Variants in CFI observed in about 807,000 individuals in gnomAD.
CFI encodes the protein C3B/C4B inactivator.
A neutral mutation model predicts 78.8 loss-of-function variants in CFI; 66 were observed. The ratio of observed to expected loss-of-function variants is 0.84; its 90% confidence interval spans 0.69 to 1.03. The LOEUF is 1.03. CFI is among the 50% of genes least tolerant of loss of function. The pLI is 0.00. For missense variants in CFI, 706 were observed against 704.5 expected, an observed-to-expected ratio of 1.00 and a Z score of -0.02; for synonymous variants, 250 against 232.6, an observed-to-expected ratio of 1.07 and a Z score of -0.68.
At chr4:109,742,152 A>G (rs1297127221) in intron 12 of CFI, 1 of 277,524 alleles carries the variant, frequency 3.6e-6, no homozygotes, top group African/African-American at 2.2e-5. Flanking sequence ...TGCCTTATCT[A>G]TGATCTTCAA....
intron 1 of CFI, among the ~76,000 whole-genome samples, chr4:109,801,232 G>A (rs564677919): frequency 2.0e-5 from 3 of 152,138 alleles, no homozygotes; most frequent in Non-Finnish European, 4.4e-5. Flanking sequence ...TCATTTATTT[G>A]GAGGGGCCTA....
intron 1 of CFI, among the ~76,000 whole-genome samples, chr4:109,797,914 A>G (rs1732264159): frequency 6.6e-6 from 1 of 152,204 alleles, no homozygotes; most frequent in South Asian, 2.1e-4. Flanking sequence ...GTAGCTGAGG[A>G]TATGCAGAAA....
At chr4:109,731,237 T>G in the CFI span, among the ~76,000 whole-genome samples, 1 of 151,900 alleles carries the variant, frequency 6.6e-6, no homozygotes, top group Non-Finnish European at 1.5e-5. Flanking sequence ...TCCCAGCTAC[T>G]CGGGAGGCGG....
At chr4:109,800,927 T>G (rs979222225) in intron 1 of CFI, among the ~76,000 whole-genome samples, 6 of 152,200 alleles carry the variant, frequency 3.9e-5, no homozygotes, top group Admixed American at 2.6e-4. Flanking sequence ...AAGCATTTAG[T>G]TATTTCCATT....
At chr4:109,747,356 A>AG (rs1724602659) in intron 10 of CFI, among the ~76,000 whole-genome samples, 1 of 12,176 alleles carries the variant, frequency 8.2e-5, no homozygotes, top group Admixed American at 2.0e-3. Context: ...AGCTAATTTA[A>AG]AAAAATTTTT....
chr4:109,774,309 A>C (rs1273658099), intron 1 of CFI, among the ~76,000 whole-genome samples: 5 of 152,202 alleles, frequency 3.3e-5, no homozygotes, highest in Non-Finnish European at 5.9e-5. Context: ...AAGATACAGA[A>C]TATGGAGAGT....
intron 7 of CFI, among the ~76,000 whole-genome samples, chr4:109,756,909 GAAAGAAAGAAAGA>G (rs1334715767): frequency 1.3e-5 from 1 of 77,146 alleles, no homozygotes. Flanking sequence ...AAGAAAGAAA[GAAAGAAAGAAAGA>G]AAGAAAGAAA....
At chr4:109,741,366 T>C (rs757082912) in intron 12 of CFI, 8 of 985,290 alleles carry the variant, frequency 8.1e-6, no homozygotes, top group Non-Finnish European at 9.6e-6. Context: ...GACTGAGTAC[T>C]GAGATGAGAT....
chr4:109,789,145 C>A (rs1043336117), intron 1 of CFI, among the ~76,000 whole-genome samples: 1 of 151,534 alleles, frequency 6.6e-6, no homozygotes, highest in African/African-American at 2.4e-5. Context: ...TCAATGGAAA[C>A]TACAATAAAA....
chr4:109,757,825 T>TTAATC (rs1561299063), intron 6 of CFI, 42 bp from the exon 7 acceptor site: 1 of 1,413,692 alleles, frequency 7.1e-7, no homozygotes, highest in Non-Finnish European at 9.9e-7. Flanking sequence ...AGGATAATTT[T>TTAATC]TGGAAAAAAT....
chr4:109,781,926 A>T (rs1185759188), intron 1 of CFI, among the ~76,000 whole-genome samples: 2 of 152,170 alleles, frequency 1.3e-5, no homozygotes, highest in African/African-American at 4.8e-5. Context: ...TCACCTCAGT[A>T]GATGCAGAAA....
At chr4:109,794,574 T>A (rs1172632751) in intron 1 of CFI, 1 of 152,096 alleles carries the variant, frequency 6.6e-6, no homozygotes, top group Non-Finnish European at 1.5e-5. Flanking sequence ...GGTGGATCAC[T>A]TGAGGTTCAG....
In CFI at chr4:109,749,487, A is replaced by G; in HGVS notation, c.1044+12T>C. The G allele has an allele frequency of 6.2e-7, 1 of 1,606,734 alleles. No individual in the cohort carries two copies. On this transcript the variant is annotated intron_variant, in intron 9 of 12. Coordinates refer to ENST00000394634, the MANE Select transcript of CFI (RefSeq NM_000204.5). The stretch of plus-strand genomic sequence containing the variant: ...CTGGGCAGTTGCATTGTGACTTTTC[A>G]TGCGACTTTACCAGTTGTGCTCGCT...
At chr4:109,759,458 C>T (rs1036652142) in intron 6 of CFI, among the ~76,000 whole-genome samples, 4 of 152,010 alleles carry the variant, frequency 2.6e-5, no homozygotes, top group East Asian at 1.9e-4. Flanking sequence ...TATTAAATGA[C>T]GTTAGTGAAT....
At chr4:109,776,391 A>G (rs1395969654) in intron 1 of CFI, among the ~76,000 whole-genome samples, 3 of 152,236 alleles carry the variant, frequency 2.0e-5, no homozygotes, top group African/African-American at 7.2e-5. Context: ...GATCAAATGA[A>G]TGAAATGAAG....
chr4:109,737,057 T>G (rs777734018), downstream of CFI, among the ~76,000 whole-genome samples: 6 of 152,184 alleles, frequency 3.9e-5, no homozygotes, highest in Admixed American at 1.3e-4. Flanking sequence ...AGTGCCATCC[T>G]TTTTATCCCT....
rs578197099 is a variant in CFI at position 109,761,813 on chromosome 4, T to C, written c.483-121A>G. On this transcript the variant is annotated intron_variant, in intron 3 of 12. Coordinates refer to ENST00000394634, the MANE Select transcript of CFI (RefSeq NM_000204.5). ...TCATTCTCTATATAGGAGTTACAGC[T>C]TGGGCAAGATACCGAAACTCTGAGC... 1.7e-5 allele frequency: 14 copies of C among 802,764 alleles called. No individual in the cohort carries two copies. The South Asian group carries it at 2.1e-4, about 12-fold the overall frequency. The allele number at this position is 802,764 out of a possible 1,614,324, so 49.7% of individuals were successfully genotyped here.
At chr4:109,770,347 G>C (rs1290241744) in intron 1 of CFI, among the ~76,000 whole-genome samples, 1 of 151,948 alleles carries the variant, frequency 6.6e-6, no homozygotes, top group Non-Finnish European at 1.5e-5. Context: ...ATCAGTTGAG[G>C]TCGGGAGTTT....
At chr4:109,800,482 C>A (rs1732647626) in intron 1 of CFI, among the ~76,000 whole-genome samples, 1 of 151,750 alleles carries the variant, frequency 6.6e-6, no homozygotes, top group Admixed American at 6.6e-5. Context: ...CATGCGTGAA[C>A]CCCCACACCT....
Sources: allele counts gnomAD v4.1 joint callset (sites outside exome capture counted in the v4.1 genomes callset), GRCh38; gene constraint gnomAD v4.1.1; transcripts MANE v1.5; gene names NCBI Gene and HGNC (gene_info 2026-07-23, HGNC 2026-07-21).